The following SGIP1 variants were observed in gnomAD, a reference collection of about 807,000 sequenced individuals.
SGIP1 encodes SH3-containing GRB2-like protein 3-interacting protein 1.
A neutral mutation model predicts 107.5 loss-of-function variants in SGIP1; 38 were observed. The observed-to-expected ratio is 0.35, with a 90% CI of 0.27 to 0.46. The LOEUF (loss-of-function observed/expected upper bound fraction) is 0.46. Ranked by LOEUF, SGIP1 falls within the 20% of genes least tolerant of loss-of-function variation. SGIP1 has a pLI of 1.00. For synonymous variants in SGIP1, 365 were observed against 366.1 expected (o/e 1.00, Z 0.03); for missense variants, 929 against 1,019.5 (o/e 0.91, Z 1.21).
chr1:66,600,712 A>ATACC (rs1210421574), intron 1 of SGIP1, among the ~76,000 whole-genome samples: 2 of 152,172 alleles, frequency 1.3e-5, no homozygotes, highest in Non-Finnish European at 2.9e-5. Flanking sequence ...GCCAGTGGGT[A>ATACC]GATTAGGTCA....
At chr1:66,601,180 G>A (rs1304205697) in intron 1 of SGIP1, among the ~76,000 whole-genome samples, 4 of 152,080 alleles carry the variant, frequency 2.6e-5, no homozygotes, top group Non-Finnish European at 5.9e-5. Flanking sequence ...TGGAGAACAC[G>A]GTGAAACCCC....
intron 20 of SGIP1, among the ~76,000 whole-genome samples, chr1:66,730,623 T>C (rs141522885): frequency 1.3e-5 from 2 of 152,316 alleles, no homozygotes; most frequent in Non-Finnish European, 2.9e-5. Context: ...TGTGAGTAAA[T>C]CAGGTCTCCT....
chr1:66,582,505 A>G (rs535290478), intron 1 of SGIP1, among the ~76,000 whole-genome samples: 54 of 152,034 alleles, frequency 3.6e-4, no homozygotes, highest in African/African-American at 1.2e-3. Flanking sequence ...TGAGAGGAAA[A>G]TACACTTCAG....
At chr1:66,708,435 G>A (rs2092678694) in intron 18 of SGIP1, among the ~76,000 whole-genome samples, 1 of 152,084 alleles carries the variant, frequency 6.6e-6, no homozygotes, top group African/African-American at 2.4e-5. Context: ...TTCATACTAA[G>A]ACAAAGAAAA....
At chr1:66,736,687 A>C (rs2094272850) in intron 21 of SGIP1, among the ~76,000 whole-genome samples, 1 of 150,624 alleles carries the variant, frequency 6.6e-6, no homozygotes, top group Admixed American at 6.6e-5. Context: ...AAATATACAT[A>C]TATGTATTTT....
chr1:66,583,845 A>C (rs150684104), intron 1 of SGIP1, among the ~76,000 whole-genome samples: 1 of 152,174 alleles, frequency 6.6e-6, no homozygotes, highest in Non-Finnish European at 1.5e-5. Context: ...AGTAGTCAAC[A>C]CATAATACCT....
intron 18 of SGIP1, among the ~76,000 whole-genome samples, chr1:66,710,354 G>A (rs903740430): frequency 6.6e-6 from 1 of 152,008 alleles, no homozygotes; most frequent in African/African-American, 2.4e-5. Flanking sequence ...TACATGACAC[G>A]ACTGTAAGGC....
chr1:66,632,814 C>G (rs2075051105), intron 2 of SGIP1, among the ~76,000 whole-genome samples: 1 of 152,146 alleles, frequency 6.6e-6, no homozygotes, highest in Non-Finnish European at 1.5e-5. Flanking sequence ...CAAAAATGAA[C>G]CAAGGCACTA....
At chr1:66,726,049 T>C (rs886296083) in intron 19 of SGIP1, among the ~76,000 whole-genome samples, 8 of 152,316 alleles carry the variant, frequency 5.3e-5, no homozygotes, top group Admixed American at 4.6e-4. Flanking sequence ...TACCAGGCAC[T>C]GGCAGAGTTA....
chr1:66,541,238 C>A (rs1019940543), intron 1 of SGIP1, among the ~76,000 whole-genome samples: 1 of 152,218 alleles, frequency 6.6e-6, no homozygotes, highest in Non-Finnish European at 1.5e-5. Flanking sequence ...ATTCTAAGTG[C>A]TATAAGCTCA....
At chr1:66,678,536 G>A (rs554921880) in intron 13 of SGIP1, among the ~76,000 whole-genome samples, 1 of 152,236 alleles carries the variant, frequency 6.6e-6, no homozygotes, top group East Asian at 1.9e-4. Flanking sequence ...TTAATCAGGA[G>A]CAGAGCCCCT....
chr1:66,536,839 T>G (rs1434868317), intron 1 of SGIP1, among the ~76,000 whole-genome samples: 2 of 152,204 alleles, frequency 1.3e-5, no homozygotes, highest in Non-Finnish European at 2.9e-5. Flanking sequence ...TGCACTCGTG[T>G]GGCTGTACAT....
At chr1:66,689,411 C>A (rs937668783) in intron 16 of SGIP1, 136 bp downstream of exon 16, 8 of 1,114,456 alleles carry the variant, frequency 7.2e-6, no homozygotes, top group African/African-American at 1.6e-5. Flanking sequence ...ACAGTCACTG[C>A]GGTATGAGTG....
At chr1:66,693,895 G>A (rs1174455416) in intron 17 of SGIP1, among the ~76,000 whole-genome samples, 2 of 152,188 alleles carry the variant, frequency 1.3e-5, no homozygotes, top group Admixed American at 1.3e-4. Context: ...ATTGAATTTG[G>A]ATATTGATGA....
chr1:66,678,196 C>G (rs77503231), intron 13 of SGIP1, among the ~76,000 whole-genome samples: 3,028 of 152,328 alleles, frequency 0.02, 38 homozygotes, highest in Non-Finnish European at 0.03. Flanking sequence ...AGTGAAAAAG[C>G]TGTAACTTCC....
chr1:66,720,228 A>C (rs2093457774), intron 19 of SGIP1, among the ~76,000 whole-genome samples: 2 of 152,176 alleles, frequency 1.3e-5, no homozygotes, highest in Admixed American at 6.5e-5. Context: ...TAACAAAGAG[A>C]TTTGTAATCC....
At chr1:66,584,029 G>A (rs993300495) in intron 1 of SGIP1, among the ~76,000 whole-genome samples, 10 of 152,112 alleles carry the variant, frequency 6.6e-5, no homozygotes, top group African/African-American at 2.4e-4. Flanking sequence ...AAATTAGTAA[G>A]TAGAATCCTT....
chr1:66,543,668 A>AT (rs1032161154), intron 1 of SGIP1, among the ~76,000 whole-genome samples: 1 of 151,936 alleles, frequency 6.6e-6, no homozygotes, highest in African/African-American at 2.4e-5. Flanking sequence ...CTCTCCCCTG[A>AT]TTTTCTCAGT....
At chr1:66,589,560 C>G (rs1437552430) in intron 1 of SGIP1, among the ~76,000 whole-genome samples, 11 of 151,922 alleles carry the variant, frequency 7.2e-5, no homozygotes. Context: ...TTTGTGCCTC[C>G]CCACCAACCA....
Sources: allele counts gnomAD v4.1 joint callset (sites outside exome capture counted in the v4.1 genomes callset), GRCh38; gene constraint gnomAD v4.1.1; transcripts MANE v1.5; gene names NCBI Gene and HGNC (gene_info 2026-07-23, HGNC 2026-07-21).